The following ZNF432 variants were observed in gnomAD, a reference collection of about 807,000 sequenced individuals.
The protein encoded by ZNF432 is zinc finger protein 432.
ZNF432 carries 10 observed loss-of-function variants against 13.9 expected under a neutral mutation model. That is an observed-to-expected ratio of 0.72 (90% confidence interval 0.44 to 1.22). The LOEUF (loss-of-function observed/expected upper bound fraction) is 1.22, where lower values mean the gene tolerates loss of function less well. Ranked by LOEUF, ZNF432 falls within the 50% of genes most tolerant of loss-of-function variation. The pLI is 0.00. For missense variants in ZNF432, 793 were observed against 796.2 expected, an observed-to-expected ratio of 1.00 and a Z score of 0.05; for synonymous variants, 247 against 256.2, an observed-to-expected ratio of 0.96 and a Z score of 0.34.
At chr19:52,044,333 G>T (rs2087162602) in intron 2 of ZNF432, among the ~76,000 whole-genome samples, 1 of 151,670 alleles carries the variant, frequency 6.6e-6, no homozygotes, top group African/African-American at 2.4e-5. Context: ...AAGAACCTGT[G>T]GAAGCAGAAG....
At chr19:52,039,892 G>T (rs1265435344) in intron 4 of ZNF432, among the ~76,000 whole-genome samples, 2 of 150,910 alleles carry the variant, frequency 1.3e-5, no homozygotes, top group Non-Finnish European at 2.9e-5. Flanking sequence ...CCTAGGGCTG[G>T]GGGCTTGGAA....
chr19:52,046,781 T>G, intron 2 of ZNF432, 73 bp downstream of exon 2: 1 of 1,485,040 alleles, frequency 6.7e-7, no homozygotes, highest in Non-Finnish European at 9.3e-7. Flanking sequence ...CTCTAGATTC[T>G]GAAATGATTT....
chr19:52,040,479 C>G lies in ZNF432; in HGVS notation c.238+9G>C. The G allele has an allele frequency of 6.2e-7, 1 of 1,613,004 alleles. No homozygotes were observed. Among genetic ancestry groups the G allele is most frequent in the Non-Finnish European group, 8.5e-7 (1 of 1,178,946 alleles). On this transcript the variant is annotated intron_variant, in intron 4 of 4. Coordinates refer to ENST00000221315, the MANE Select transcript of ZNF432 (RefSeq NM_014650.4). The stretch of plus-strand genomic sequence containing the variant: ...ATATTACTTACGCATCTTGCTGCTT[C>G]TCACATACCTGGACAGATTCGACTG...
intron 2 of ZNF432, 55 bp from the exon 3 acceptor site, chr19:52,041,661 A>T: frequency 6.2e-7 from 1 of 1,611,670 alleles, no homozygotes; most frequent in East Asian, 2.2e-5. Flanking sequence ...TACTGACATG[A>T]AAAGAAAGTG....
intron 3 of ZNF432, among the ~76,000 whole-genome samples, 157 bp downstream of exon 3, chr19:52,041,323 C>T (rs947017615): frequency 6.6e-6 from 1 of 152,104 alleles, no homozygotes; most frequent in Non-Finnish European, 1.5e-5. Flanking sequence ...CCCTCTTGGA[C>T]ACTGAGGGGT....
At position 52,046,893 on chromosome 19, in the gene ZNF432, AG is replaced by A. The variant is rs113457206; in HGVS notation, c.-26del. 123 of 1,612,668 alleles carry A rather than the reference AG, an allele frequency of 7.6e-5. 2 individuals carry two copies. In the African/African-American group the frequency reaches 1.4e-3, roughly 18 times the overall value. On this transcript the variant is annotated 5_prime_UTR_variant, in exon 2 of 5. Coordinates refer to ENST00000221315, the MANE Select transcript of ZNF432 (RefSeq NM_014650.4). Reference sequence around the variant, plus strand: ...TTTTCTTCTGTTGTGGGAAATGGCCAGCACCTGGGATACTCTGTCTTTGTCT... The same window carrying A: ...TTTTCTTCTGTTGTGGGAAATGGCCACACCTGGGATACTCTGTCTTTGTCT...
Position 52,034,930 on chromosome 19 carries a change from T to C in ZNF432, c.749A>G (p.Glu250Gly), listed in dbSNP as rs1239296581. Residue 250 changes from glutamate (E) to glycine (G), a missense_variant, in exon 5 of 5, where the codon GAA becomes GGA. Coordinates refer to ENST00000221315, the MANE Select transcript of ZNF432 (RefSeq NM_014650.4). ...CTCTCTTTTATGAATTCTTTGATGT[T>C]CATTTAGCCTGGACTTTCTGGAGAA... ...KVFSRKSRLN[E>G]HQRIHKREKS... The C allele has an allele frequency of 6.2e-7, 1 of 1,612,500 alleles. No homozygotes were observed. The highest frequency in any genetic ancestry group is 8.5e-7 in the Non-Finnish European group (1 of 1,179,502).
At chr19:52,048,311 T>C (rs982249400) in intron 1 of ZNF432, among the ~76,000 whole-genome samples, 2 of 152,008 alleles carry the variant, frequency 1.3e-5, no homozygotes, top group Non-Finnish European at 2.9e-5. Flanking sequence ...CCCTTAATGA[T>C]TCATCAATCA....
In ZNF432 at chr19:52,040,154, T is replaced by C. The variant is rs569135954; in HGVS notation, c.238+334A>G. ...GAAATCAAATGTACAAAGGAAGTAC[T>C]CTGAGACAGACATAAGTTATGACCT... is the stretch of plus-strand genomic sequence containing the variant. On this transcript the variant is annotated intron_variant, in intron 4 of 4. Coordinates refer to ENST00000221315, the MANE Select transcript of ZNF432 (RefSeq NM_014650.4). Among the ~76,000 whole-genome samples, 15 of 152,334 alleles carry C rather than the reference T, an allele frequency of 9.8e-5. No individual in the cohort carries two copies. The South Asian group carries it at 3.1e-3, about 32-fold the overall frequency.
chr19:52,034,789 C>G lies in ZNF432; in HGVS notation c.890G>C (p.Gly297Ala), dbSNP rs950974966. Reference sequence around the variant, plus strand: ...AATGAGATTACGCTTGCCTGGGAAGCCTTTTCCACATTCATTGCATATGTA... The same window carrying G: ...AATGAGATTACGCTTGCCTGGGAAGGCTTTTCCACATTCATTGCATATGTA... The part of the protein sequence containing the change: ...KPYICNECGK[G>A]FPGKRNLIVH... The change falls in exon 5 of 5, where the codon GGC becomes GCC. Residue 297 changes from glycine (G) to alanine (A), a missense_variant. Physicochemically the swap from Gly to Ala is moderately conservative, Grantham distance 60. Coordinates refer to ENST00000221315, the MANE Select transcript of ZNF432 (RefSeq NM_014650.4). 2 of 1,611,888 alleles carry G rather than the reference C, an allele frequency of 1.2e-6. No individual in the cohort carries two copies. The highest frequency in any genetic ancestry group is 1.3e-5 in the African/African-American group (1 of 74,844).
intron 3 of ZNF432, among the ~76,000 whole-genome samples, chr19:52,040,840 C>T (rs1389299218): frequency 6.6e-6 from 1 of 151,834 alleles, no homozygotes; most frequent in Non-Finnish European, 1.5e-5. Flanking sequence ...AGTGCAGTGG[C>T]TCTTGCCTAT....
At chr19:52,036,479 T>C (rs1310307850) in intron 4 of ZNF432, among the ~76,000 whole-genome samples, 2 of 152,220 alleles carry the variant, frequency 1.3e-5, no homozygotes, top group Non-Finnish European at 2.9e-5. Flanking sequence ...AGCCACTGGG[T>C]AGATGACAGC....
rs555900308 is a variant in ZNF432, at chr19:52,043,593, T to C, written c.16-1987A>G. Among the ~76,000 whole-genome samples, 120 of 152,052 alleles carry C rather than the reference T, an allele frequency of 7.9e-4. 1 individual carries two copies. The highest frequency in any genetic ancestry group is 2.6e-3 in the African/African-American group (107 of 41,452). On this transcript the variant is annotated intron_variant, in intron 2 of 4. Coordinates refer to ENST00000221315, the MANE Select transcript of ZNF432 (RefSeq NM_014650.4). The stretch of plus-strand genomic sequence containing the variant: ...GGAGGATTAGTATAAGAGGAAGGCA[T>C]GCCTCTTGCAGTTGAGACAAGAGGA...
rs528745296 is a variant in ZNF432 at position 52,033,848 on chromosome 19, G to A, written c.1831C>T (p.Arg611Cys). Residue 611 changes from arginine (R) to cysteine (C), a missense_variant, in exon 5 of 5, where the codon CGT becomes TGT. Coordinates refer to ENST00000221315, the MANE Select transcript of ZNF432 (RefSeq NM_014650.4). ...ECGKGFTMKSRLIVHQRTHTG... is the reference protein window; with the variant it reads ...ECGKGFTMKSCLIVHQRTHTG... Reference sequence around the variant, plus strand: ...TGAGTTCGTTGATGAACAATTAGACGGCTCTTCATAGTGAAGCCTTTACCA... The same window carrying A: ...TGAGTTCGTTGATGAACAATTAGACAGCTCTTCATAGTGAAGCCTTTACCA... 8.1e-6 allele frequency: 13 copies of A among 1,613,128 alleles called. No homozygotes were observed. The highest frequency in any genetic ancestry group is 8.0e-5 in the African/African-American group (6 of 74,846).
intron 2 of ZNF432, among the ~76,000 whole-genome samples, chr19:52,042,858 A>G (rs938496503): frequency 1.3e-5 from 2 of 152,234 alleles, no homozygotes; most frequent in African/African-American, 4.8e-5. Flanking sequence ...AACTGTTAAT[A>G]GAAGGAAAAG....
chr19:52,034,527 C>T lies in ZNF432; in HGVS notation c.1152G>A (p.Met384Ile), dbSNP rs752215398. 5.0e-6 allele frequency: 8 copies of T among 1,613,690 alleles called. No homozygotes were observed. Among genetic ancestry groups the T allele is most frequent in the Middle Eastern group, 1.6e-4 (1 of 6,084 alleles). Residue 384 changes from methionine to isoleucine, a missense_variant, in exon 5 of 5, where the codon ATG (methionine) becomes ATA (isoleucine). By Grantham distance (10) the Met-to-Ile change is conservative. Coordinates refer to ENST00000221315, the MANE Select transcript of ZNF432 (RefSeq NM_014650.4). ...GTTGATGTTCGATCATACGGCTCTTCATGGTGAAGCCTTTCCCACATTCAT... is the reference window on the plus strand; with the variant it reads ...GTTGATGTTCGATCATACGGCTCTTTATGGTGAAGCCTTTCCCACATTCAT... ...ICNECGKGFT[M>I]KSRMIEHQRT...
rs1220141558 is a variant in ZNF432, at chr19:52,034,745, T to C, written c.934A>G (p.Thr312Ala). The change falls in exon 5 of 5, where the codon ACT (threonine) becomes GCT (alanine). Residue 312 changes from threonine (T) to alanine (A), a missense_variant. By Grantham distance (58) the Thr-to-Ala change is moderately conservative. Coordinates refer to ENST00000221315, the MANE Select transcript of ZNF432 (RefSeq NM_014650.4). Reference protein sequence around the residue: ...RNLIVHQRNHTGEKSYICSEC... With the variant: ...RNLIVHQRNHAGEKSYICSEC... ...CTACATATATAGGATTTCTCTCCAG[T>C]ATGATTTCGCTGATGTACAATGAGA... The C allele has an allele frequency of 1.9e-6, 3 of 1,613,386 alleles. No homozygotes were observed. The South Asian group carries it at 3.3e-5, about 18-fold the overall frequency.
At chr19:52,040,420 C>G (rs1266365355) in intron 4 of ZNF432, 68 bp downstream of exon 4, 3 of 1,366,054 alleles carry the variant, frequency 2.2e-6, no homozygotes, top group Non-Finnish European at 3.1e-6. Flanking sequence ...TCTGTGTCCT[C>G]AGACACCCAC....
rs749788951 is a variant in ZNF432, at chr19:52,034,349, G to A, written c.1330C>T (p.Leu444Phe). The change falls in exon 5 of 5, where the codon CTC becomes TTC. Residue 444 changes from leucine to phenylalanine, a missense_variant. Physicochemically the swap from Leu to Phe is conservative, Grantham distance 22 (BLOSUM62 0). Coordinates refer to ENST00000221315, the MANE Select transcript of ZNF432 (RefSeq NM_014650.4). ...CGKGFTVKSMLIIHQRTHTGE... is the reference protein window; with the variant it reads ...CGKGFTVKSMFIIHQRTHTGE... ...GTATGAGTTCGCTGATGTATGATGA[G>A]CATGCTTTTCACAGTAAAACCTTTT... is the stretch of plus-strand genomic sequence containing the variant. 6.2e-7 allele frequency: 1 copy of A among 1,613,494 alleles called. No individual in the cohort carries two copies. Among genetic ancestry groups the A allele is most frequent in the Non-Finnish European group, 8.5e-7 (1 of 1,179,776 alleles).
Sources: allele counts gnomAD v4.1 joint callset (sites outside exome capture counted in the v4.1 genomes callset), GRCh38; gene constraint gnomAD v4.1.1; transcripts MANE v1.5; gene names NCBI Gene and HGNC (gene_info 2026-07-23, HGNC 2026-07-21).